Variants in ATG4C observed in about 807,000 individuals in gnomAD.
ATG4C encodes autophagy related 4C cysteine peptidase, also known as cysteine protease ATG4C.
A neutral mutation model predicts 57.6 loss-of-function variants in ATG4C; 56 were observed. The ratio of observed to expected loss-of-function variants is 0.97; its 90% CI spans 0.78 to 1.21. The LOEUF (loss-of-function observed/expected upper bound fraction) is 1.21, where lower values mean the gene tolerates loss of function less well. Ranked by LOEUF, ATG4C falls within the 50% of genes most tolerant of loss-of-function variation. ATG4C has a pLI of 0.00. For synonymous variants in ATG4C, 157 were observed against 174.1 expected (o/e 0.90, Z 0.78); for missense variants, 595 against 529.8 (o/e 1.12, Z -1.21).
At chr1:62,786,052 T>G (rs1664069111) in intron 1 of ATG4C, among the ~76,000 whole-genome samples, 1 of 152,210 alleles carries the variant, frequency 6.6e-6, no homozygotes, top group Non-Finnish European at 1.5e-5. Flanking sequence ...CATAGATACT[T>G]TTAAAGCATT....
intron 1 of ATG4C, among the ~76,000 whole-genome samples, chr1:62,792,412 T>C (rs575874965): frequency 2.0e-5 from 3 of 152,248 alleles, no homozygotes; most frequent in African/African-American, 7.2e-5. Context: ...AAAGAGAAGA[T>C]TGGGGGATAG....
At chr1:62,841,297 GA>G in intron 9 of ATG4C, 130 bp from the exon 10 acceptor site, 1 of 758,912 alleles carries the variant, frequency 1.3e-6, no homozygotes, top group Non-Finnish European at 2.0e-6. Flanking sequence ...TGCGTAGGAT[GA>G]ACTAAAACAC....
At chr1:62,827,604 T>A (rs1309166761) in intron 6 of ATG4C, among the ~76,000 whole-genome samples, 1 of 152,216 alleles carries the variant, frequency 6.6e-6, no homozygotes, top group Non-Finnish European at 1.5e-5. Context: ...CAGTGTCATA[T>A]AGTAGCTAGC....
At chr1:62,823,212 C>T (rs951258673) in intron 6 of ATG4C, among the ~76,000 whole-genome samples, 3 of 152,180 alleles carry the variant, frequency 2.0e-5, no homozygotes, top group Non-Finnish European at 2.9e-5. Flanking sequence ...TTTCTGCCAC[C>T]TTTCAAATAT....
At chr1:62,836,812 T>C (rs770524190) in intron 9 of ATG4C, among the ~76,000 whole-genome samples, 1 of 152,134 alleles carries the variant, frequency 6.6e-6, no homozygotes, top group Non-Finnish European at 1.5e-5. Context: ...AATCATCCAC[T>C]GATTCCACAT....
At chr1:62,850,899 T>C (rs7518508) in intron 10 of ATG4C, among the ~76,000 whole-genome samples, 2,231 of 62,508 alleles carry the variant, frequency 0.036, 115 homozygotes, top group African/African-American at 0.14. Flanking sequence ...TATATATATA[T>C]ATACATACAC....
chr1:62,803,391 A>G (rs1664746956), intron 1 of ATG4C, among the ~76,000 whole-genome samples: 1 of 152,206 alleles, frequency 6.6e-6, no homozygotes, highest in African/African-American at 2.4e-5. Context: ...CCAATGCACC[A>G]GAGCAGAGCT....
intron 10 of ATG4C, among the ~76,000 whole-genome samples, chr1:62,861,162 C>T (rs1475043431): frequency 6.6e-6 from 1 of 152,094 alleles, no homozygotes; most frequent in Non-Finnish European, 1.5e-5. Context: ...TTTTAAAAAA[C>T]AACTATGAGA....
intron 6 of ATG4C, among the ~76,000 whole-genome samples, chr1:62,822,570 A>G (rs1665515715): frequency 6.6e-6 from 1 of 152,186 alleles, no homozygotes; most frequent in Non-Finnish European, 1.5e-5. Flanking sequence ...TGTTATAGAA[A>G]TGGTTTGTGT....
At chr1:62,850,850 GTATGTATATATATATA>G (rs1202050608) in intron 10 of ATG4C, among the ~76,000 whole-genome samples, 2 of 33,546 alleles carry the variant, frequency 6.0e-5, no homozygotes, top group East Asian at 6.9e-4. Context: ...GTGTGTGTAT[GTATGTATATATATATA>G]TATATATATA....
In ATG4C at chr1:62,864,139, G is replaced by A; in HGVS notation, c.1357G>A (p.Glu453Lys). The A allele has an allele frequency of 6.2e-7, 1 of 1,601,990 alleles. No individual in the cohort carries two copies. The highest frequency in any genetic ancestry group is 8.5e-7 in the Non-Finnish European group (1 of 1,176,348). Residue 453 changes from glutamate to lysine, a missense_variant, in exon 11 of 11, where the codon GAA becomes AAA. Transcript: ENST00000317868. ...EKKQLKRFST[E>K]EFVLL Reference sequence around the variant, plus strand: ...GAAACAATTAAAAAGATTTAGCACGGAAGAGTTTGTCTTGCTTTAAAGATT... The same window carrying A: ...GAAACAATTAAAAAGATTTAGCACGAAAGAGTTTGTCTTGCTTTAAAGATT...
intron 1 of ATG4C, among the ~76,000 whole-genome samples, chr1:62,791,788 A>G (rs965326305): frequency 6.6e-6 from 1 of 152,116 alleles, no homozygotes; most frequent in Non-Finnish European, 1.5e-5. Context: ...ATACCTCAAA[A>G]TCACTGTATC....
chr1:62,792,396 T>C (rs1664307293), intron 1 of ATG4C, among the ~76,000 whole-genome samples: 1 of 152,204 alleles, frequency 6.6e-6, no homozygotes, highest in African/African-American at 2.4e-5. Context: ...GGACATTTAA[T>C]GTAGAAAAGA....
intron 10 of ATG4C, among the ~76,000 whole-genome samples, chr1:62,845,335 G>T (rs1172208978): frequency 6.6e-6 from 1 of 151,994 alleles, no homozygotes; most frequent in Non-Finnish European, 1.5e-5. Flanking sequence ...ATATTTCCCT[G>T]ATTGATACTA....
intron 3 of ATG4C, among the ~76,000 whole-genome samples, chr1:62,814,222 A>T (rs1021795215): frequency 1.3e-5 from 2 of 152,158 alleles, no homozygotes; most frequent in African/African-American, 4.8e-5. Flanking sequence ...TAGACTGGAT[A>T]AAGAAAATGT....
At chr1:62,836,166 A>G (rs1449186877) in intron 9 of ATG4C, among the ~76,000 whole-genome samples, 3 of 152,130 alleles carry the variant, frequency 2.0e-5, no homozygotes, top group African/African-American at 4.8e-5. Flanking sequence ...AAAATTAGAA[A>G]GGCTTCAACT....
intron 1 of ATG4C, among the ~76,000 whole-genome samples, chr1:62,789,240 T>C (rs1359161529): frequency 6.6e-6 from 1 of 152,246 alleles, no homozygotes; most frequent in Admixed American, 6.5e-5. Context: ...TATCACTATG[T>C]ACCCAAGTAT....
At chr1:62,810,175 A>G (rs1665031293) in intron 3 of ATG4C, among the ~76,000 whole-genome samples, 1 of 152,222 alleles carries the variant, frequency 6.6e-6, no homozygotes, top group South Asian at 2.1e-4. Context: ...TTAGATGAAT[A>G]AAGTTATTCA....
chr1:62,846,559 A>G (rs1390822661), intron 10 of ATG4C, among the ~76,000 whole-genome samples: 1 of 152,160 alleles, frequency 6.6e-6, no homozygotes, highest in Non-Finnish European at 1.5e-5. Flanking sequence ...TACGTTTCCA[A>G]AATCAAATTC....
Sources: allele counts gnomAD v4.1 joint callset (sites outside exome capture counted in the v4.1 genomes callset), GRCh38; gene constraint gnomAD v4.1.1; transcripts MANE v1.5; gene names NCBI Gene and HGNC (gene_info 2026-07-23, HGNC 2026-07-21).